Variants in FBXW7 observed in about 807,000 individuals in gnomAD.
FBXW7 encodes F-box and WD repeat domain containing 7, also known as F-box/WD repeat-containing protein 7.
Under a neutral mutation model 86.3 loss-of-function variants are expected in FBXW7, and 11 were observed. The observed-to-expected ratio is 0.13, with a 90% CI of 0.08 to 0.21. FBXW7 has a LOEUF of 0.21. Among genes scored for constraint, FBXW7 ranks in the 10% least tolerant of loss-of-function variants. The pLI is 1.00. For missense variants in FBXW7, 488 were observed against 847.4 expected (o/e 0.58, Z 5.27); for synonymous variants, 313 against 297.9 (o/e 1.05, Z -0.52).
chr4:152,332,592 T>G lies in FBXW7; in HGVS notation c.985+4A>C. The G allele has an allele frequency of 6.3e-7, 1 of 1,577,398 alleles. No individual in the cohort carries two copies. Among genetic ancestry groups the G allele is most frequent in the Non-Finnish European group, 8.6e-7 (1 of 1,156,556 alleles). On this transcript the variant is annotated splice_donor_region_variant and intron_variant, in intron 8 of 13. Coordinates refer to ENST00000281708, the MANE Select transcript of FBXW7 (RefSeq NM_001349798.2). Reference sequence around the variant, plus strand: ...CATATTCTCTATGCAATTTTGAACCTTACCCTCTTCTTTGCATTTCTCTCT... The same window carrying G: ...CATATTCTCTATGCAATTTTGAACCGTACCCTCTTCTTTGCATTTCTCTCT...
chr4:152,455,135 A>AT, intron 2 of FBXW7, among the ~76,000 whole-genome samples: 1 of 152,282 alleles, frequency 6.6e-6, no homozygotes, highest in Admixed American at 6.5e-5. Context: ...CTAAATACTG[A>AT]TTTTTTAAAT....
Position 152,329,792 on chromosome 4 carries a change from GA to G in FBXW7, c.1123-8del. The G allele has an allele frequency of 6.8e-7, 1 of 1,475,656 alleles. No homozygotes were observed. The highest frequency in any genetic ancestry group is 9.1e-7 in the Non-Finnish European group (1 of 1,095,742). The allele number at this position is 1,475,656 out of a possible 1,614,324, so 91.4% of individuals were successfully genotyped here. ...CATCATGTCCTTTCAGCACCTATAA[GA>G]AAGATGTGCAGATTAGAAATATGTT... is the stretch of plus-strand genomic sequence containing the variant. On this transcript the variant is annotated splice_region_variant and splice_polypyrimidine_tract_variant and intron_variant, in intron 9 of 13. Transcript: ENST00000281708.
intron 2 of FBXW7, among the ~76,000 whole-genome samples, chr4:152,471,762 T>G (rs907220631): frequency 2.0e-5 from 3 of 151,790 alleles, no homozygotes; most frequent in African/African-American, 7.3e-5. Context: ...TACCCAGGTG[T>G]GGTGGCACAT....
At chr4:152,346,523 T>A (rs573006336) in intron 6 of FBXW7, among the ~76,000 whole-genome samples, 1 of 152,204 alleles carries the variant, frequency 6.6e-6, no homozygotes, top group Admixed American at 6.5e-5. Context: ...ATTTTTAAAT[T>A]GAAATAAACA....
intron 2 of FBXW7, among the ~76,000 whole-genome samples, chr4:152,444,145 C>A (rs1560905061): frequency 6.6e-6 from 1 of 152,242 alleles, no homozygotes; most frequent in East Asian, 1.9e-4. Context: ...TCTTGACCTA[C>A]AAAAACGGTA....
rs1750468081 is a variant in FBXW7 at position 152,535,589 on chromosome 4, A to C, written c.-675T>G. 2.5e-6 allele frequency: 1 copy of C among 396,684 alleles called. No individual in the cohort carries two copies. Among genetic ancestry groups the C allele is most frequent in the Non-Finnish European group, 4.4e-6 (1 of 224,828 alleles). The allele number at this position is 396,684 out of a possible 1,614,324, so 24.6% of individuals were successfully genotyped here. Reference sequence around the variant, plus strand: ...CGGGCGGGTGGCCGAGTCGGCGGCAAGGCGAGGGACCCGGCCGGCTCCGCT... The same window carrying C: ...CGGGCGGGTGGCCGAGTCGGCGGCACGGCGAGGGACCCGGCCGGCTCCGCT... On this transcript the variant is annotated 5_prime_UTR_variant, in exon 1 of 14. Coordinates refer to ENST00000281708, the MANE Select transcript of FBXW7 (RefSeq NM_001349798.2).
At chr4:152,390,283 T>C (rs1403779257) in intron 4 of FBXW7, among the ~76,000 whole-genome samples, 1 of 152,056 alleles carries the variant, frequency 6.6e-6, no homozygotes, top group Non-Finnish European at 1.5e-5. Context: ...TTTTAAAAAG[T>C]ACTTAAGATA....
intron 2 of FBXW7, among the ~76,000 whole-genome samples, chr4:152,468,298 A>G (rs1456069439): frequency 3.9e-5 from 6 of 152,162 alleles, no homozygotes; most frequent in Admixed American, 1.3e-4. Context: ...TCAAAAACGT[A>G]TCTACACAAA....
intron 4 of FBXW7, among the ~76,000 whole-genome samples, chr4:152,381,782 C>T (rs1735098963): frequency 6.6e-6 from 1 of 152,036 alleles, no homozygotes. Flanking sequence ...CCAAAGAAGC[C>T]TAAGGATTTG....
At chr4:152,382,588 C>A (rs1478564758) in intron 4 of FBXW7, 1 of 735,456 alleles carries the variant, frequency 1.4e-6, no homozygotes. Context: ...CCTGCTCCTG[C>A]CAGTCAAACA....
intron 8 of FBXW7, among the ~76,000 whole-genome samples, chr4:152,332,286 A>G (rs1045951539): frequency 2.6e-5 from 4 of 151,714 alleles, no homozygotes; most frequent in African/African-American, 7.2e-5. Flanking sequence ...AAAAGAATGA[A>G]TTAATACTAA....
chr4:152,437,683 C>T (rs144370578), intron 2 of FBXW7, among the ~76,000 whole-genome samples: 8 of 152,246 alleles, frequency 5.3e-5, no homozygotes, highest in Non-Finnish European at 1.2e-4. Flanking sequence ...TCACACGCTA[C>T]AGAGAAATCG....
intron 2 of FBXW7, among the ~76,000 whole-genome samples, chr4:152,471,587 G>C (rs1743975695): frequency 6.6e-6 from 1 of 151,662 alleles, no homozygotes; most frequent in South Asian, 2.1e-4. Flanking sequence ...GAGGGAAAGA[G>C]GGAAAGAGAG....
chr4:152,416,254 C>A (rs936928559), intron 2 of FBXW7, among the ~76,000 whole-genome samples: 2 of 152,266 alleles, frequency 1.3e-5, no homozygotes, highest in African/African-American at 4.8e-5. Flanking sequence ...AAAAGAACTT[C>A]GAGCCAGGTC....
intron 2 of FBXW7, among the ~76,000 whole-genome samples, chr4:152,415,396 A>G (rs1738335378): frequency 6.6e-6 from 1 of 152,168 alleles, no homozygotes; most frequent in Non-Finnish European, 1.5e-5. Context: ...GACAAAGATA[A>G]CAAGAAAGTA....
At chr4:152,394,261 C>T (rs1736233648) in intron 4 of FBXW7, among the ~76,000 whole-genome samples, 1 of 152,074 alleles carries the variant, frequency 6.6e-6, no homozygotes, top group South Asian at 2.1e-4. Flanking sequence ...AACATCTTCC[C>T]TTGCATTTAT....
intron 2 of FBXW7, among the ~76,000 whole-genome samples, chr4:152,467,956 T>A (rs914598897): frequency 1.3e-5 from 2 of 151,990 alleles, no homozygotes; most frequent in Non-Finnish European, 2.9e-5. Flanking sequence ...GTTTACAATA[T>A]TCAACATTAA....
intron 2 of FBXW7, among the ~76,000 whole-genome samples, chr4:152,519,654 C>T (rs558484289): frequency 3.9e-5 from 6 of 152,304 alleles, no homozygotes; most frequent in Admixed American, 2.6e-4. Flanking sequence ...ATTCAAATGA[C>T]GGACTTCAAT....
intron 2 of FBXW7, among the ~76,000 whole-genome samples, chr4:152,506,881 A>C (rs1451063646): frequency 6.6e-6 from 1 of 152,252 alleles, no homozygotes; most frequent in African/African-American, 2.4e-5. Context: ...TGATAAAGAC[A>C]ACTTACAGAT....
Sources: allele counts gnomAD v4.1 joint callset (sites outside exome capture counted in the v4.1 genomes callset), GRCh38; gene constraint gnomAD v4.1.1; transcripts MANE v1.5; gene names NCBI Gene and HGNC (gene_info 2026-07-23, HGNC 2026-07-21).